GNPNAT1: variants seen among roughly 807,000 people sequenced by gnomAD.
GNPNAT1 encodes glucosamine 6-phosphate N-acetyltransferase.
GNPNAT1 carries 11 observed loss-of-function variants against 19.8 expected under a neutral mutation model. The observed-to-expected ratio is 0.56, with a 90% confidence interval of 0.35 to 0.92. The LOEUF (loss-of-function observed/expected upper bound fraction) is 0.92. Ranked by LOEUF, GNPNAT1 falls within the 40% of genes least tolerant of loss-of-function variation. The pLI is 0.01. For missense variants in GNPNAT1, 157 were observed against 211.0 expected, an observed-to-expected ratio of 0.74 and a Z score of 1.59; for synonymous variants, 71 against 72.3, an observed-to-expected ratio of 0.98 and a Z score of 0.09.
At chr14:52,790,591 CAAGT>C (rs1305160569) in intron 1 of GNPNAT1, among the ~76,000 whole-genome samples, 2 of 152,166 alleles carry the variant, frequency 1.3e-5, no homozygotes, top group African/African-American at 4.8e-5. Flanking sequence ...GGTAACACAG[CAAGT>C]AAGTGACTTG....
rs1882790577 is a variant in GNPNAT1, at chr14:52,778,348, G to A, written c.518C>T (p.Ser173Phe). The stretch of plus-strand genomic sequence containing the variant: ...CCTCCGACACATGTAGTTTTCTTCA[G>A]ATACAGTATATCCAAACTTTTTATA... ...GFYKKFGYTV[S>F]EENYMCRRFL... Residue 173 changes from serine to phenylalanine, a missense_variant, in exon 6 of 6, where the codon TCT becomes TTT. Ser to Phe is a radical substitution (Grantham distance 155, BLOSUM62 -2). Transcript: ENST00000216410. 23 of 1,599,766 alleles carry A rather than the reference G, an allele frequency of 1.4e-5. No individual in the cohort carries two copies. Among genetic ancestry groups the A allele is most frequent in the East Asian group, 2.2e-5 (1 of 44,720 alleles).
Position 52,783,477 on chromosome 14 carries a change from TA to T in GNPNAT1, c.162del (p.Phe54LeufsTer7). ...LCTADLNRGF[F>X]KVLGQLTETG... ...GTCTCTGTTAGCTGACCCAATACCT[TA>T]AAAAAACCTAGTTTTGAAAAACAGA... On this transcript the variant is annotated frameshift_variant, in exon 3 of 6. Coordinates refer to ENST00000216410, the MANE Select transcript of GNPNAT1 (RefSeq NM_198066.4). LOFTEE classifies it high-confidence loss of function. 2 of 1,606,888 alleles carry T rather than the reference TA, an allele frequency of 1.2e-6. No homozygotes were observed. Among genetic ancestry groups the T allele is most frequent in the Non-Finnish European group, 1.7e-6 (2 of 1,174,172 alleles).
At chr14:52,781,559 T>C (rs1416145222) in intron 4 of GNPNAT1, among the ~76,000 whole-genome samples, 1 of 152,094 alleles carries the variant, frequency 6.6e-6, no homozygotes, top group East Asian at 1.9e-4. Flanking sequence ...TGCTAAGTTG[T>C]TTGGTTTCTC....
chr14:52,789,826 T>C (rs993212214), intron 1 of GNPNAT1, among the ~76,000 whole-genome samples: 10 of 152,184 alleles, frequency 6.6e-5, no homozygotes, highest in Admixed American at 2.6e-4. Flanking sequence ...CTTTAAACAC[T>C]AATCCTCCTT....
rs1401370172 is a variant in GNPNAT1 at position 52,784,600 on chromosome 14, C to T, written c.51G>A (p.Val17=). Residue 17 remains valine (V), a synonymous_variant, in exon 2 of 6, where the codon GTG becomes GTA. Coordinates refer to ENST00000216410, the MANE Select transcript of GNPNAT1 (RefSeq NM_198066.4). ...ATGTAGCTGTATTCTGACTCCAGTC[C>T]ACTTCTTTGAGTAGACTTGGGTCAA... ...PMFDPSLLKE[V]DWSQNTATFS... 3.1e-6 allele frequency: 5 copies of T among 1,599,554 alleles called. No homozygotes were observed. In the African/African-American group the frequency reaches 6.7e-5, roughly 22 times the overall value.
intron 5 of GNPNAT1, among the ~76,000 whole-genome samples, 188 bp from the exon 6 acceptor site, chr14:52,778,646 A>G (rs1882800573): frequency 6.6e-6 from 1 of 152,178 alleles, no homozygotes; most frequent in South Asian, 2.1e-4. Context: ...ACTTAGAGTC[A>G]AATATACTTT....
intron 1 of GNPNAT1, chr14:52,787,817 G>A (rs1251748125): frequency 6.6e-6 from 1 of 151,660 alleles, no homozygotes. Flanking sequence ...ATAAATTCTT[G>A]TTCATTTTTT....
At chr14:52,787,199 A>C (rs1226103043) in intron 1 of GNPNAT1, among the ~76,000 whole-genome samples, 1 of 152,070 alleles carries the variant, frequency 6.6e-6, no homozygotes, top group Non-Finnish European at 1.5e-5. Flanking sequence ...TTTTAATGAG[A>C]GAACAATTTG....
intron 1 of GNPNAT1, among the ~76,000 whole-genome samples, chr14:52,788,343 A>G (rs1883072204): frequency 6.6e-6 from 1 of 152,182 alleles, no homozygotes; most frequent in Admixed American, 6.5e-5. Context: ...CATGTTGGAA[A>G]GGCTGGTCTT....
chr14:52,776,002 C>T lies in GNPNAT1; in HGVS notation c.*2309G>A, dbSNP rs1382533482. 1.3e-5 allele frequency: 2 copies of T among 152,106 alleles called. No individual in the cohort carries two copies. The highest frequency in any genetic ancestry group is 2.9e-5 in the Non-Finnish European group (2 of 68,128). 9.4% of individuals were successfully genotyped at this position (152,106 alleles called of 1,614,324 possible). A position where few individuals can be genotyped will look rare whatever the true frequency, so the allele number is the denominator to read the frequency against. Reference sequence around the variant, plus strand: ...GAGACCAGCCTGGGCAACATAGACTCCACACAAAAAATTTTTTTAATTAGC... The same window carrying T: ...GAGACCAGCCTGGGCAACATAGACTTCACACAAAAAATTTTTTTAATTAGC... On this transcript the variant is annotated 3_prime_UTR_variant, in exon 6 of 6. Transcript: ENST00000216410.
chr14:52,779,435 C>A (rs146145942), intron 5 of GNPNAT1, among the ~76,000 whole-genome samples: 377 of 152,156 alleles, frequency 2.5e-3, no homozygotes, highest in African/African-American at 8.4e-3. Context: ...AACAAAAGAC[C>A]TTGACTGAAG....
chr14:52,789,986 CAA>C (rs200756037), intron 1 of GNPNAT1, among the ~76,000 whole-genome samples: 1,194 of 107,160 alleles, frequency 0.011, 6 homozygotes, highest in African/African-American at 0.041. Flanking sequence ...TCCAGAAGGA[CAA>C]AAAAAAAAAA....
At position 52,777,185 on chromosome 14, in the gene GNPNAT1, T is replaced by C. The variant is rs1469459609; in HGVS notation, c.*1126A>G. 2.6e-5 allele frequency: 4 copies of C among 152,676 alleles called. No homozygotes were observed. Among genetic ancestry groups the C allele is most frequent in the Non-Finnish European group, 5.9e-5 (4 of 68,026 alleles). 9.5% of individuals were successfully genotyped at this position (152,676 alleles called of 1,614,324 possible). On this transcript the variant is annotated 3_prime_UTR_variant, in exon 6 of 6. Transcript: ENST00000216410. ...ACAAAGAGCACATTAAACTAAAATTTTATGAATTATGACTTAATCTAATAG... is the reference window on the plus strand; with the variant it reads ...ACAAAGAGCACATTAAACTAAAATTCTATGAATTATGACTTAATCTAATAG...
rs1236044150 is a variant in GNPNAT1 at position 52,786,934 on chromosome 14, A to G, written c.-14-2270T>C. ...ATATACATAATGAGATATCTTGGGG[A>G]TGGGACCCAAGTCAAAATTCATTTG... On this transcript the variant is annotated intron_variant, in intron 1 of 5. Coordinates refer to ENST00000216410, the MANE Select transcript of GNPNAT1 (RefSeq NM_198066.4). 5.4e-5 allele frequency among the ~76,000 whole-genome samples: 7 copies of G among 129,408 alleles called. 1 individual carries two copies. In the East Asian group the frequency reaches 1.7e-3, roughly 32 times the overall value. 84.9% of individuals were successfully genotyped at this position (129,408 alleles called of 152,430 possible).
intron 1 of GNPNAT1, among the ~76,000 whole-genome samples, chr14:52,790,174 G>A (rs1195268759): frequency 6.6e-6 from 1 of 152,088 alleles, no homozygotes; most frequent in African/African-American, 2.4e-5. Context: ...TGGGGAGAGA[G>A]GCTGCTGCTA....
chr14:52,785,488 C>T (rs540994859), intron 1 of GNPNAT1, among the ~76,000 whole-genome samples: 7 of 151,412 alleles, frequency 4.6e-5, no homozygotes, highest in Middle Eastern at 6.8e-3. Flanking sequence ...TTTGGGAGGC[C>T]GAGGTGGGCA....
chr14:52,784,456 G>A (rs1000094415), intron 2 of GNPNAT1, 41 bp downstream of exon 2: 2 of 1,446,040 alleles, frequency 1.4e-6, no homozygotes, highest in African/African-American at 2.9e-5. Context: ...AGAGAAAAAT[G>A]GAAGGCTAAC....
At chr14:52,784,926 C>CTTT (rs571852245) in intron 1 of GNPNAT1, among the ~76,000 whole-genome samples, 10 of 119,730 alleles carry the variant, frequency 8.4e-5, no homozygotes, top group Non-Finnish European at 1.6e-4. Context: ...ATTATCAAGT[C>CTTT]TTTTTTTTTT....
At position 52,784,629 on chromosome 14, in the gene GNPNAT1, T is replaced by A; in HGVS notation, c.22A>T (p.Met8Leu). ...TCTTTGAGTAGACTTGGGTCAAACATAGGAGTTTCATCAGGTTTCATTTTT... is the reference window on the plus strand; with the variant it reads ...TCTTTGAGTAGACTTGGGTCAAACAAAGGAGTTTCATCAGGTTTCATTTTT... Reference protein sequence around the residue: MKPDETPMFDPSLLKEVD... With the variant: MKPDETPLFDPSLLKEVD... The change falls in exon 2 of 6, where the codon ATG (methionine) becomes TTG (leucine). Residue 8 changes from methionine to leucine, a missense_variant. By Grantham distance (15) the Met-to-Leu change is conservative. Transcript: ENST00000216410. The A allele has an allele frequency of 6.4e-7, 1 of 1,572,388 alleles. No homozygotes were observed. The highest frequency in any genetic ancestry group is 8.6e-7 in the Non-Finnish European group (1 of 1,159,378).
Sources: gnomAD v4.1 joint callset for allele counts (sites outside exome capture counted in the v4.1 genomes callset) on GRCh38, gnomAD v4.1.1 for gene constraint, MANE v1.5 for transcripts, NCBI Gene and HGNC (gene_info 2026-07-23, HGNC 2026-07-21) for gene names.